CCBE1: variants seen among roughly 807,000 people sequenced by gnomAD.
The protein encoded by CCBE1 is collagen and calcium binding EGF domains 1, also known as collagen and calcium-binding EGF domain-containing protein 1.
In CCBE1, 37 loss-of-function variants were observed where a neutral mutation model predicts 50.0. That is an observed-to-expected ratio of 0.74 (90% CI 0.57 to 0.97). The LOEUF is 0.97. Among genes scored for constraint, CCBE1 ranks in the 50% least tolerant of loss-of-function variants. The pLI is 0.00. For missense variants in CCBE1, 538 were observed against 523.8 expected (o/e 1.03, Z -0.26); for synonymous variants, 234 against 203.7 (o/e 1.15, Z -1.27).
intron 2 of CCBE1, among the ~76,000 whole-genome samples, chr18:59,571,285 A>G (rs1164376148): frequency 6.6e-6 from 1 of 152,158 alleles, no homozygotes; most frequent in Non-Finnish European, 1.5e-5. Flanking sequence ...CTTCGATAAT[A>G]GTGATTTTAA....
intron 2 of CCBE1, among the ~76,000 whole-genome samples, chr18:59,606,009 C>T (rs2053493269): frequency 6.6e-6 from 1 of 152,190 alleles, no homozygotes; most frequent in South Asian, 2.1e-4. Context: ...AAGCACGTCA[C>T]TGCTCTCAAG....
intron 2 of CCBE1, among the ~76,000 whole-genome samples, chr18:59,625,438 A>AT (rs1465998292): frequency 7.2e-6 from 1 of 139,202 alleles, no homozygotes; most frequent in Non-Finnish European, 1.6e-5. Context: ...CTCAAAAAAA[A>AT]AAAAAAAAAA....
intron 5 of CCBE1, among the ~76,000 whole-genome samples, chr18:59,460,821 G>C (rs1392958610): frequency 2.6e-5 from 4 of 152,104 alleles, no homozygotes; most frequent in Non-Finnish European, 5.9e-5. Context: ...TGTAATCCCA[G>C]CTACTTGGGA....
chr18:59,609,716 C>G (rs760691229), intron 2 of CCBE1, among the ~76,000 whole-genome samples: 1 of 152,186 alleles, frequency 6.6e-6, no homozygotes, highest in African/African-American at 2.4e-5. Context: ...TTATTTTAGT[C>G]TATTTGAAAA....
chr18:59,584,008 C>T (rs1235837540), intron 2 of CCBE1, among the ~76,000 whole-genome samples: 4 of 151,886 alleles, frequency 2.6e-5, no homozygotes, highest in Non-Finnish European at 5.9e-5. Flanking sequence ...GGGTATATAC[C>T]CAAAGGACTA....
chr18:59,611,310 G>C (rs2053565787), intron 2 of CCBE1, among the ~76,000 whole-genome samples: 1 of 152,248 alleles, frequency 6.6e-6, no homozygotes. Flanking sequence ...GGATGCATAT[G>C]TGTACATAGC....
chr18:59,672,691 C>G (rs1216312044), intron 2 of CCBE1, among the ~76,000 whole-genome samples: 2 of 152,214 alleles, frequency 1.3e-5, no homozygotes, highest in South Asian at 4.1e-4. Context: ...AAATGGCAAG[C>G]CCATACAATT....
intron 2 of CCBE1, among the ~76,000 whole-genome samples, chr18:59,687,192 G>A (rs1156388022): frequency 6.6e-6 from 1 of 152,172 alleles, no homozygotes; most frequent in African/African-American, 2.4e-5. Context: ...GCCACAGTGT[G>A]GTCTGTGCTG....
At chr18:59,493,522 A>T (rs1397574573) in intron 2 of CCBE1, among the ~76,000 whole-genome samples, 1 of 149,434 alleles carries the variant, frequency 6.7e-6, no homozygotes, top group Non-Finnish European at 1.5e-5. Flanking sequence ...CATTTTCCAT[A>T]GATTATTTAA....
chr18:59,624,395 G>A (rs981695923), intron 2 of CCBE1, among the ~76,000 whole-genome samples: 4 of 152,204 alleles, frequency 2.6e-5, no homozygotes, highest in African/African-American at 9.7e-5. Flanking sequence ...GAGAATGTGA[G>A]CATCAGTACT....
rs190407843 is a variant in CCBE1, at chr18:59,487,466, A to G, written c.213-7228T>C. ...ACTACTAGAATTCCTTTTACACTACATCCCCCAAGAACAGAACTGAATAAA... is the reference window on the plus strand; with the variant it reads ...ACTACTAGAATTCCTTTTACACTACGTCCCCCAAGAACAGAACTGAATAAA... On this transcript the variant is annotated intron_variant, in intron 2 of 10. Transcript: ENST00000439986. Among the ~76,000 whole-genome samples the G allele has an allele frequency of 6.1e-5, 9 of 148,226 alleles. No homozygotes were observed. The East Asian group carries it at 2.5e-3, about 41-fold the overall frequency.
intron 2 of CCBE1, among the ~76,000 whole-genome samples, chr18:59,489,569 A>G (rs1258288985): frequency 1.3e-5 from 2 of 152,076 alleles, no homozygotes; most frequent in East Asian, 1.9e-4. Flanking sequence ...ATGTGCCACC[A>G]TACCCACATA....
At chr18:59,692,562 G>C (rs1308359436) in intron 2 of CCBE1, among the ~76,000 whole-genome samples, 1 of 152,174 alleles carries the variant, frequency 6.6e-6, no homozygotes, top group East Asian at 1.9e-4. Flanking sequence ...TCCTTACCTA[G>C]AGCCCAATGC....
At chr18:59,694,981 G>A (rs1222748074) in intron 2 of CCBE1, among the ~76,000 whole-genome samples, 2 of 152,190 alleles carry the variant, frequency 1.3e-5, no homozygotes, top group African/African-American at 4.8e-5. Context: ...ATGCCAAGGT[G>A]CTGCTAGTGT....
intron 2 of CCBE1, among the ~76,000 whole-genome samples, chr18:59,687,323 A>T (rs148385248): frequency 6.6e-6 from 1 of 152,352 alleles, no homozygotes; most frequent in Non-Finnish European, 1.5e-5. Flanking sequence ...TAAAATGGAC[A>T]TGTTAAAGGT....
At chr18:59,485,524 T>C (rs1291967745) in intron 2 of CCBE1, among the ~76,000 whole-genome samples, 1 of 151,998 alleles carries the variant, frequency 6.6e-6, no homozygotes, top group African/African-American at 2.4e-5. Context: ...GGTACATTTT[T>C]CTATTATTTA....
At chr18:59,653,846 C>T (rs1447719185) in intron 2 of CCBE1, among the ~76,000 whole-genome samples, 2 of 152,132 alleles carry the variant, frequency 1.3e-5, no homozygotes, top group South Asian at 2.1e-4. Context: ...AGTAGGAAAT[C>T]GTATCAGAGA....
intron 2 of CCBE1, among the ~76,000 whole-genome samples, chr18:59,611,959 A>T (rs1568233523): frequency 6.6e-6 from 1 of 152,122 alleles, no homozygotes; most frequent in Non-Finnish European, 1.5e-5. Context: ...CAAGCTACAT[A>T]CCTGGAGTCC....
At chr18:59,534,281 A>C (rs1049865570) in intron 2 of CCBE1, among the ~76,000 whole-genome samples, 5 of 152,246 alleles carry the variant, frequency 3.3e-5, no homozygotes, top group Non-Finnish European at 7.3e-5. Flanking sequence ...GAATTTTAAA[A>C]GTTGAAAATC....
Sources: allele counts gnomAD v4.1 joint callset (sites outside exome capture counted in the v4.1 genomes callset), GRCh38; gene constraint gnomAD v4.1.1; transcripts MANE v1.5; gene names NCBI Gene and HGNC (gene_info 2026-07-23, HGNC 2026-07-21).